Variants in PCDHA7 observed in about 807,000 individuals in gnomAD.
PCDHA7 encodes the protein protocadherin alpha-7.
Under a neutral mutation model 57.2 loss-of-function variants are expected in PCDHA7, and 37 were observed. The observed-to-expected ratio is 0.65, with a 90% CI of 0.50 to 0.85. The LOEUF is 0.85. PCDHA7 is among the 40% of genes least tolerant of loss of function. The pLI, the probability that PCDHA7 is intolerant of heterozygous loss-of-function variation, is 0.00. For synonymous variants in PCDHA7, 553 were observed against 558.8 expected (o/e 0.99, Z 0.15); for missense variants, 1,188 against 1,241.8 (o/e 0.96, Z 0.65).
chr5:140,984,091 T>G (rs1357477287), intron 3 of PCDHA7, among the ~76,000 whole-genome samples: 1 of 152,204 alleles, frequency 6.6e-6, no homozygotes. Context: ...GAAGAAATGA[T>G]GGAGGAGGAA....
chr5:140,899,402 G>T (rs1465071147), intron 1 of PCDHA7, among the ~76,000 whole-genome samples: 2 of 152,004 alleles, frequency 1.3e-5, no homozygotes, highest in South Asian at 2.1e-4. Context: ...TAGCATGAAG[G>T]GTTGTTGAAT....
At chr5:140,877,656 C>G (rs782196097) in intron 1 of PCDHA7, 6 of 1,613,560 alleles carry the variant, frequency 3.7e-6, no homozygotes, top group Non-Finnish European at 5.1e-6. Flanking sequence ...CGCCGCCCAC[C>G]GTGAGCCGGT....
chr5:140,851,022 T>C, intron 1 of PCDHA7: 1 of 1,428,366 alleles, frequency 7.0e-7, no homozygotes, highest in Non-Finnish European at 9.2e-7. Context: ...TCTGATAAAG[T>C]AAACCCCTTA....
Position 140,841,535 on chromosome 5 carries a change from C to G in PCDHA7, c.2355+4797C>G, listed in dbSNP as rs146057065. ...GTTCCGGGTGGCGTCCAAAAGACAC[C>G]GGGACCTTCTGGAGGTAAGTCTGCA... On this transcript the variant is annotated intron_variant, in intron 1 of 3. Transcript: ENST00000525929. 2.9e-4 allele frequency: 467 copies of G among 1,613,646 alleles called. 2 individuals are homozygous for G. The highest frequency in any genetic ancestry group is 2.5e-4 in the Admixed American group (15 of 60,006).
At chr5:140,895,636 T>C (rs1554186575) in intron 1 of PCDHA7, among the ~76,000 whole-genome samples, 1 of 152,178 alleles carries the variant, frequency 6.6e-6, no homozygotes, top group Non-Finnish European at 1.5e-5. Context: ...TTTCACATTC[T>C]TTTTTAGCTC....
At chr5:140,868,866 T>C (rs1319732568) in intron 1 of PCDHA7, 2 of 581,336 alleles carry the variant, frequency 3.4e-6, no homozygotes, top group Non-Finnish European at 5.7e-6. Context: ...GTAAATGCAG[T>C]GCACAGTACT....
At chr5:140,910,154 G>A (rs575042155) in intron 1 of PCDHA7, among the ~76,000 whole-genome samples, 234 of 152,310 alleles carry the variant, frequency 1.5e-3, no homozygotes, top group African/African-American at 4.9e-3. Flanking sequence ...ATTGATTGAG[G>A]GGAAATTGAT....
intron 1 of PCDHA7, among the ~76,000 whole-genome samples, chr5:140,952,915 G>GGCATGA (rs2094816103): frequency 6.6e-6 from 1 of 151,986 alleles, no homozygotes; most frequent in African/African-American, 2.4e-5. Flanking sequence ...CATCTTACAT[G>GGCATGA]GCATGAGCAG....
rs530025575 is a variant in PCDHA7 at position 140,922,023 on chromosome 5, TA to T, written c.2356-56920del. On this transcript the variant is annotated intron_variant, in intron 1 of 3. Coordinates refer to ENST00000525929, the MANE Select transcript of PCDHA7 (RefSeq NM_018910.3). ...AATGATTAGTTTAAAAAAATAAATA[TA>T]AAAAATGTAATTTTCCCACATACCT... Among the ~76,000 whole-genome samples, 1,214 of 152,080 alleles carry T rather than the reference TA, an allele frequency of 8.0e-3. 6 individuals carry two copies. The highest frequency in any genetic ancestry group is 0.019 in the African/African-American group (784 of 41,506).
rs2150424072 is a variant in PCDHA7, at chr5:140,848,906, A to C, written c.2355+12168A>C. 6 of 1,608,120 alleles carry C rather than the reference A, an allele frequency of 3.7e-6. No individual in the cohort carries two copies. In the East Asian group the frequency reaches 1.3e-4, roughly 36 times the overall value. On this transcript the variant is annotated intron_variant, in intron 1 of 3. Transcript: ENST00000525929. ...ACCCTCCAGTGTTCCCAGCGACACA[A>C]AAGAATCTGTTCATCGCGGAATCCA... is the stretch of plus-strand genomic sequence containing the variant.
In PCDHA7 at chr5:141,010,436, G is replaced by C; in HGVS notation, c.*499G>C. 2 of 1,038,344 alleles carry C rather than the reference G, an allele frequency of 1.9e-6. No individual in the cohort carries two copies. Among genetic ancestry groups the C allele is most frequent in the Admixed American group, 5.8e-5 (2 of 34,296 alleles). The allele number at this position is 1,038,344 out of a possible 1,614,324, so 64.3% of individuals were successfully genotyped here. A position where few individuals can be genotyped will look rare whatever the true frequency, so the allele number is the denominator to read the frequency against. On this transcript the variant is annotated 3_prime_UTR_variant, in exon 4 of 4. Coordinates refer to ENST00000525929, the MANE Select transcript of PCDHA7 (RefSeq NM_018910.3). The stretch of plus-strand genomic sequence containing the variant: ...GGTACAAGGAAGGCAAGAAAACAAA[G>C]ACAAATAAACAGCGGAAGTTATCAG...
At chr5:140,988,556 C>G (rs574182013) in intron 3 of PCDHA7, among the ~76,000 whole-genome samples, 2 of 152,158 alleles carry the variant, frequency 1.3e-5, no homozygotes, top group Non-Finnish European at 2.9e-5. Flanking sequence ...TCTTCATCTT[C>G]TTCTTGGGAA....
At chr5:140,872,497 C>T (rs1554166232) in intron 1 of PCDHA7, among the ~76,000 whole-genome samples, 1 of 152,150 alleles carries the variant, frequency 6.6e-6, no homozygotes, top group Non-Finnish European at 1.5e-5. Flanking sequence ...CCTAGTGGTG[C>T]ATGCCTGTAG....
chr5:140,911,033 G>A lies in PCDHA7; in HGVS notation c.2356-67916G>A, dbSNP rs188656147. 2.0e-3 allele frequency among the ~76,000 whole-genome samples: 306 copies of A among 152,188 alleles called. 2 individuals are homozygous for A. The highest frequency in any genetic ancestry group is 7.0e-3 in the African/African-American group (291 of 41,532). On this transcript the variant is annotated intron_variant, in intron 1 of 3. Transcript: ENST00000525929. ...GGACTTTAGTCTAGTTATAGGTCTA[G>A]AAGCAAACAGGGGTGGTGGGGGGTG...
At chr5:140,864,895 G>T (rs1212830646) in intron 1 of PCDHA7, 1 of 152,160 alleles carries the variant, frequency 6.6e-6, no homozygotes, top group African/African-American at 2.4e-5. Context: ...AAGCTGCATG[G>T]TCTTCAGAAT....
chr5:140,857,139 T>A (rs1554149566), intron 1 of PCDHA7: 1 of 1,598,268 alleles, frequency 6.3e-7, no homozygotes, highest in South Asian at 1.1e-5. Context: ...GATGCTCAAG[T>A]GGGCACCGTC....
intron 1 of PCDHA7, among the ~76,000 whole-genome samples, chr5:140,897,200 T>C (rs1462263623): frequency 1.3e-5 from 2 of 152,172 alleles, no homozygotes; most frequent in African/African-American, 4.8e-5. Context: ...TTTTTTATTA[T>C]ACTTTAAGTT....
At chr5:140,942,588 ATATAAT>A (rs1164852863) in intron 1 of PCDHA7, among the ~76,000 whole-genome samples, 1 of 149,588 alleles carries the variant, frequency 6.7e-6, no homozygotes, top group Non-Finnish European at 1.5e-5. Flanking sequence ...AGGATGTCAC[ATATAAT>A]TATAGTGTTT....
At chr5:140,876,153 G>T in intron 1 of PCDHA7, 2 of 1,613,964 alleles carry the variant, frequency 1.2e-6, no homozygotes, top group South Asian at 2.2e-5. Context: ...GGTCTGTCCA[G>T]ATTCAAATAA....
Sources: gnomAD v4.1 joint callset for allele counts (sites outside exome capture counted in the v4.1 genomes callset) on GRCh38, gnomAD v4.1.1 for gene constraint, MANE v1.5 for transcripts, NCBI Gene and HGNC (gene_info 2026-07-23, HGNC 2026-07-21) for gene names.